The following CRACR2A variants were observed in gnomAD, a reference collection of about 807,000 sequenced individuals.
CRACR2A encodes the protein EF-hand calcium-binding domain-containing protein 4B.
Under a neutral mutation model 90.5 loss-of-function variants are expected in CRACR2A, and 79 were observed. That is an observed-to-expected ratio of 0.87 (90% confidence interval 0.73 to 1.05). The LOEUF (loss-of-function observed/expected upper bound fraction) is 1.05. Ranked by LOEUF, CRACR2A falls within the 50% of genes least tolerant of loss-of-function variation. The probability of loss-of-function intolerance (pLI) is 0.00; values close to 1 mark genes in which losing one functional copy is unlikely to be tolerated. For synonymous variants in CRACR2A, 338 were observed against 356.7 expected, an observed-to-expected ratio of 0.95 and a Z score of 0.59; for missense variants, 823 against 897.2, an observed-to-expected ratio of 0.92 and a Z score of 1.06.
At chr12:3,719,124 C>G (rs1433995459) in intron 2 of CRACR2A, among the ~76,000 whole-genome samples, 1 of 152,196 alleles carries the variant, frequency 6.6e-6, no homozygotes. Flanking sequence ...ATGATTAACA[C>G]AGCCTCGGTT....
intron 10 of CRACR2A, among the ~76,000 whole-genome samples, chr12:3,651,291 G>A (rs1314565715): frequency 6.6e-6 from 1 of 152,248 alleles, no homozygotes; most frequent in Non-Finnish European, 1.5e-5. Flanking sequence ...GCGTGTGCAC[G>A]TGTGTGCACG....
In CRACR2A at chr12:3,656,301, G is replaced by A; in HGVS notation, c.858+10C>T. The stretch of plus-strand genomic sequence containing the variant: ...AGCCAGGTACTCTGGGGCCATGGAT[G>A]GCAACATACCCTTTTCTGCTTCTGG... On this transcript the variant is annotated intron_variant, in intron 9 of 19. Transcript: ENST00000440314. 1.2e-6 allele frequency: 2 copies of A among 1,613,706 alleles called. No individual in the cohort carries two copies. Among genetic ancestry groups the A allele is most frequent in the Non-Finnish European group, 1.7e-6 (2 of 1,179,730 alleles).
intron 4 of CRACR2A, among the ~76,000 whole-genome samples, chr12:3,693,156 G>A (rs1460153495): frequency 3.3e-5 from 5 of 152,214 alleles, no homozygotes; most frequent in Non-Finnish European, 4.4e-5. Flanking sequence ...AAAGCAATGC[G>A]GGGGCTGCCG....
At position 3,743,134 on chromosome 12, in the gene CRACR2A, T is replaced by A. The variant is rs373148597; in HGVS notation, c.-387+9881A>T. ...GAGTACAAATTAGAACTTTTCATTCTATTTCAAACTTCTGTAAATAGGGCT... is the reference window on the plus strand; with the variant it reads ...GAGTACAAATTAGAACTTTTCATTCAATTTCAAACTTCTGTAAATAGGGCT... On this transcript the variant is annotated intron_variant, in intron 1 of 19. Transcript: ENST00000440314. Among the ~76,000 whole-genome samples the A allele has an allele frequency of 3.9e-4, 59 of 152,374 alleles. 1 individual carries two copies. Among genetic ancestry groups the A allele is most frequent in the African/African-American group, 1.4e-3 (57 of 41,592 alleles).
intron 1 of CRACR2A, among the ~76,000 whole-genome samples, chr12:3,750,651 C>T (rs1455913246): frequency 6.6e-6 from 1 of 152,172 alleles, no homozygotes; most frequent in African/African-American, 2.4e-5. Context: ...ACAAAATAGA[C>T]ACTATTTTGT....
chr12:3,698,934 C>T (rs1220411032), intron 3 of CRACR2A, among the ~76,000 whole-genome samples: 1 of 152,178 alleles, frequency 6.6e-6, no homozygotes, highest in Non-Finnish European at 1.5e-5. Flanking sequence ...AAGGTCTCTG[C>T]ACCCAAGAGG....
chr12:3,666,002 AC>A (rs1945127740), intron 7 of CRACR2A, among the ~76,000 whole-genome samples: 1 of 151,680 alleles, frequency 6.6e-6, no homozygotes, highest in Non-Finnish European at 1.5e-5. Flanking sequence ...ACCCAAAAGA[AC>A]CCTCCTAGGT....
At chr12:3,643,755 G>A (rs1367169845) in intron 12 of CRACR2A, among the ~76,000 whole-genome samples, 1 of 94,012 alleles carries the variant, frequency 1.1e-5, no homozygotes, top group Non-Finnish European at 1.9e-5. Context: ...ACATATATAT[G>A]CACACAGACT....
chr12:3,618,462 C>T (rs1867739272), intron 18 of CRACR2A, among the ~76,000 whole-genome samples: 1 of 152,160 alleles, frequency 6.6e-6, no homozygotes, highest in African/African-American at 2.4e-5. Flanking sequence ...GTTTTCAGAG[C>T]TTTTTGGATT....
At chr12:3,715,912 AAG>A (rs1248254699) in intron 2 of CRACR2A, among the ~76,000 whole-genome samples, 1 of 152,194 alleles carries the variant, frequency 6.6e-6, no homozygotes, top group Non-Finnish European at 1.5e-5. Flanking sequence ...AGAAAACAAA[AAG>A]AAGTCAGAAG....
intron 13 of CRACR2A, chr12:3,640,540 T>C: frequency 8.0e-7 from 1 of 1,246,636 alleles, no homozygotes; most frequent in Non-Finnish European, 1.0e-6. Flanking sequence ...CATTCCATTC[T>C]GAGGAACCAA....
At position 3,648,603 on chromosome 12, in the gene CRACR2A, G is replaced by A. The variant is rs751708113; in HGVS notation, c.1057C>T (p.Arg353Cys). The change falls in exon 11 of 20, where the codon CGT (arginine) becomes TGT (cysteine). Residue 353 changes from arginine (R) to cysteine (C), a missense_variant. By Grantham distance (180) the Arg-to-Cys change is radical. Transcript: ENST00000440314. ...TCACGCTGTAGACTCTCCGTCACAC[G>A]GTACACTTCCCTGAGGAGGAGGCAA... ...LHQEKEMEVY[R>C]VTESLQREKA... 1.7e-5 allele frequency: 27 copies of A among 1,613,746 alleles called. No homozygotes were observed. The highest frequency in any genetic ancestry group is 1.5e-4 in the South Asian group (14 of 91,050).
chr12:3,656,863 C>G (rs1358659281), intron 8 of CRACR2A, among the ~76,000 whole-genome samples: 4 of 152,184 alleles, frequency 2.6e-5, no homozygotes, highest in African/African-American at 9.7e-5. Flanking sequence ...CATCGGATCC[C>G]TTAAATTGGC....
At chr12:3,738,962 G>A (rs1025324573) in intron 1 of CRACR2A, among the ~76,000 whole-genome samples, 3 of 152,036 alleles carry the variant, frequency 2.0e-5, no homozygotes, top group African/African-American at 7.2e-5. Flanking sequence ...CTAAAATCAT[G>A]TCACTGTCTT....
At chr12:3,716,688 G>A (rs1011357223) in intron 2 of CRACR2A, among the ~76,000 whole-genome samples, 5 of 152,130 alleles carry the variant, frequency 3.3e-5, no homozygotes, top group African/African-American at 1.2e-4. Flanking sequence ...GGGGGGCATT[G>A]TCCCCATGAA....
intron 3 of CRACR2A, among the ~76,000 whole-genome samples, chr12:3,712,409 G>A (rs1039699055): frequency 1.3e-5 from 2 of 152,194 alleles, no homozygotes; most frequent in African/African-American, 2.4e-5. Flanking sequence ...GGAAGCCCCA[G>A]GGAGCTCTTA....
In CRACR2A at chr12:3,644,606, T is replaced by C. The variant is rs993501249; in HGVS notation, c.1153A>G (p.Ile385Val). ...AACTGGCCAATTACCTGAAAACATA[T>C]GTCCCGTTCATCCCGAAGGTGCTTG... ...RNKHLRDERDICFQKNKAAKA... is the reference protein window; with the variant it reads ...RNKHLRDERDVCFQKNKAAKA... Residue 385 changes from isoleucine to valine, a missense_variant, in exon 12 of 20, where the codon ATA becomes GTA. By Grantham distance (29) the Ile-to-Val change is conservative. Coordinates refer to ENST00000440314, the MANE Select transcript of CRACR2A (RefSeq NM_001144958.2). The C allele has an allele frequency of 7.1e-6, 11 of 1,551,422 alleles. No individual in the cohort carries two copies. In the Admixed American group the frequency reaches 2.2e-4, roughly 30 times the overall value.
At chr12:3,616,908 C>G (rs781510206) in intron 19 of CRACR2A, 46 bp downstream of exon 19, 2 of 1,444,346 alleles carry the variant, frequency 1.4e-6, no homozygotes, top group South Asian at 2.4e-5. Flanking sequence ...AAGGCAGACA[C>G]AGCTGGACAC....
At chr12:3,748,380 T>C (rs1946655928) in intron 1 of CRACR2A, among the ~76,000 whole-genome samples, 1 of 152,058 alleles carries the variant, frequency 6.6e-6, no homozygotes, top group Admixed American at 6.6e-5. Flanking sequence ...GCCCCATAAA[T>C]GCCTCCCTTG....
Sources: gnomAD v4.1 joint callset for allele counts (sites outside exome capture counted in the v4.1 genomes callset) on GRCh38, gnomAD v4.1.1 for gene constraint, MANE v1.5 for transcripts, NCBI Gene and HGNC (gene_info 2026-07-23, HGNC 2026-07-21) for gene names.